TENT4B: variants seen among roughly 807,000 people sequenced by gnomAD.
TENT4B encodes terminal nucleotidyltransferase 4B.
In TENT4B, 10 loss-of-function variants were observed where a neutral mutation model predicts 75.0. The ratio of observed to expected loss-of-function variants is 0.13; its 90% CI spans 0.08 to 0.23. TENT4B has a LOEUF of 0.23. TENT4B is among the 10% of genes least tolerant of loss of function. The pLI is 1.00. For synonymous variants in TENT4B, 350 were observed against 357.7 expected (o/e 0.98, Z 0.24); for missense variants, 579 against 893.8 (o/e 0.65, Z 4.49).
chr16:50,222,229 A>G, intron 5 of TENT4B, 77 bp from the exon 6 acceptor site: 2 of 1,333,302 alleles, frequency 1.5e-6, no homozygotes, highest in South Asian at 2.8e-5. Flanking sequence ...TAATGTAAGG[A>G]CCAATTTATG....
At chr16:50,171,217 A>G (rs1333908436) in intron 1 of TENT4B, among the ~76,000 whole-genome samples, 6 of 151,986 alleles carry the variant, frequency 3.9e-5, no homozygotes, top group Non-Finnish European at 7.4e-5. Context: ...CCTGGAAACC[A>G]TAGCAAAATC....
At chr16:50,158,151 A>G (rs972936220) in intron 1 of TENT4B, among the ~76,000 whole-genome samples, 5 of 151,976 alleles carry the variant, frequency 3.3e-5, no homozygotes, top group African/African-American at 7.2e-5. Context: ...TGGTGGCACA[A>G]TCTTGGCCCA....
Position 50,232,652 on chromosome 16 carries a change from T to C in TENT4B, c.*3324T>C. On this transcript the variant is annotated 3_prime_UTR_variant, in exon 12 of 12. Coordinates refer to ENST00000561678, the MANE Select transcript of TENT4B (RefSeq NM_001365324.3). ...GACCACCGTGACGTGCAGGATTCTC[T>C]TGCTGTGACATGTTCATTGCAAAGC... The C allele has an allele frequency of 1.0e-6, 1 of 985,382 alleles. No homozygotes were observed. Among genetic ancestry groups the C allele is most frequent in the Non-Finnish European group, 1.2e-6 (1 of 829,920 alleles). 61.0% of individuals were successfully genotyped at this position (985,382 alleles called of 1,614,324 possible).
chr16:50,159,399 C>T (rs1355905681), intron 1 of TENT4B, among the ~76,000 whole-genome samples: 1 of 152,022 alleles, frequency 6.6e-6, no homozygotes, highest in Non-Finnish European at 1.5e-5. Flanking sequence ...CATGTGCCAC[C>T]ATGCCTAATT....
At chr16:50,200,069 T>C (rs1444442875) in intron 1 of TENT4B, among the ~76,000 whole-genome samples, 1 of 152,118 alleles carries the variant, frequency 6.6e-6, no homozygotes, top group South Asian at 2.1e-4. Flanking sequence ...ATGTTTAGTT[T>C]GCTAAGGAAC....
chr16:50,222,284 A>G (rs1356550886), intron 5 of TENT4B, 22 bp from the exon 6 acceptor site: 1 of 1,560,220 alleles, frequency 6.4e-7, no homozygotes, highest in East Asian at 2.3e-5. Flanking sequence ...GAATTCATTG[A>G]AAATACAATT....
rs529989482 is a variant in TENT4B, at chr16:50,234,228, A to G, written c.*4900A>G. 55 of 985,606 alleles carry G rather than the reference A, an allele frequency of 5.6e-5. No homozygotes were observed. In the African/African-American group the frequency reaches 8.9e-4, roughly 16 times the overall value. The allele number at this position is 985,606 out of a possible 1,614,324, so 61.1% of individuals were successfully genotyped here. On this transcript the variant is annotated 3_prime_UTR_variant, in exon 12 of 12. Coordinates refer to ENST00000561678, the MANE Select transcript of TENT4B (RefSeq NM_001365324.3). ...CAGCACTTTGGGAGGCCGAAGCGGGAGGATGGCTTGAGGCTGGGAGTTTGA... is the reference window on the plus strand; with the variant it reads ...CAGCACTTTGGGAGGCCGAAGCGGGGGGATGGCTTGAGGCTGGGAGTTTGA...
chr16:50,232,329 G>C lies in TENT4B; in HGVS notation c.*3001G>C, dbSNP rs780226508. 1.8e-5 allele frequency: 18 copies of C among 985,214 alleles called. No individual in the cohort carries two copies. Among genetic ancestry groups the C allele is most frequent in the Non-Finnish European group, 2.2e-5 (18 of 829,904 alleles). 61.0% of individuals were successfully genotyped at this position (985,214 alleles called of 1,614,324 possible). A position where few individuals can be genotyped will look rare whatever the true frequency, so the allele number is the denominator to read the frequency against. On this transcript the variant is annotated 3_prime_UTR_variant, in exon 12 of 12. Transcript: ENST00000561678. ...AATTGCCCTCCAGTCTTCAACAGTT[G>C]ATTCTGTTTTATTTTTATCCTGTTT...
At chr16:50,223,654 T>A (rs1266090325) in intron 7 of TENT4B, among the ~76,000 whole-genome samples, 2 of 152,136 alleles carry the variant, frequency 1.3e-5, no homozygotes, top group Non-Finnish European at 2.9e-5. Context: ...TTTGGATGGG[T>A]TCATGTTTGG....
chr16:50,168,705 G>A (rs1567479602), intron 1 of TENT4B, among the ~76,000 whole-genome samples: 1 of 151,916 alleles, frequency 6.6e-6, no homozygotes, highest in Non-Finnish European at 1.5e-5. Context: ...GAATGCTGTG[G>A]CGTGACCTGT....
chr16:50,218,224 A>G (rs1262781564), intron 5 of TENT4B, among the ~76,000 whole-genome samples: 2 of 152,102 alleles, frequency 1.3e-5, no homozygotes, highest in Non-Finnish European at 2.9e-5. Flanking sequence ...ATGGAATTCT[A>G]CTACACAGTT....
chr16:50,181,248 G>A (rs963272401), intron 1 of TENT4B, among the ~76,000 whole-genome samples: 1 of 152,072 alleles, frequency 6.6e-6, no homozygotes, highest in Non-Finnish European at 1.5e-5. Context: ...GTGTGTTTGT[G>A]GATTTAAATG....
chr16:50,224,242 CT>C (rs2031949241), intron 7 of TENT4B, among the ~76,000 whole-genome samples: 1 of 152,136 alleles, frequency 6.6e-6, no homozygotes, highest in South Asian at 2.1e-4. Flanking sequence ...GACACGAAGA[CT>C]TTTCAGCAAG....
rs1380163270 is a variant in TENT4B at position 50,221,469 on chromosome 16, G to A, written c.1039-837G>A. Among the ~76,000 whole-genome samples the A allele has an allele frequency of 3.3e-5, 5 of 152,142 alleles. No homozygotes were observed. The East Asian group carries it at 9.7e-4, about 29-fold the overall frequency. The stretch of plus-strand genomic sequence containing the variant: ...CGGGTAGCCCTGCCTCATTCCCTGT[G>A]AAGCGTGGAAGGGAGGGGTGGTCTG... On this transcript the variant is annotated intron_variant, in intron 5 of 11. Transcript: ENST00000561678.
At chr16:50,184,450 G>A (rs1363689057) in intron 1 of TENT4B, among the ~76,000 whole-genome samples, 2 of 151,988 alleles carry the variant, frequency 1.3e-5, no homozygotes, top group Non-Finnish European at 2.9e-5. Flanking sequence ...GGGTGGATAC[G>A]AGGGTCAGGA....
chr16:50,167,871 GGT>G (rs2038132042), intron 1 of TENT4B, among the ~76,000 whole-genome samples: 1 of 152,056 alleles, frequency 6.6e-6, no homozygotes, highest in Non-Finnish European at 1.5e-5. Flanking sequence ...TTGTCAGGTT[GGT>G]CTTGAACTCC....
chr16:50,172,364 G>A (rs187052525), intron 1 of TENT4B, among the ~76,000 whole-genome samples: 1 of 151,936 alleles, frequency 6.6e-6, no homozygotes, highest in Non-Finnish European at 1.5e-5. Flanking sequence ...AAAAAAAATT[G>A]TACTTACAGG....
In TENT4B at chr16:50,235,144, G is replaced by A. The variant is rs764567095; in HGVS notation, c.*5816G>A. ...AAACTATGAATGAATTGCACACCTG[G>A]AAGATTTTTTAAGCTAATGACAGTT... On this transcript the variant is annotated 3_prime_UTR_variant, in exon 12 of 12. Transcript: ENST00000561678. The A allele has an allele frequency of 6.4e-5, 39 of 612,356 alleles. No individual in the cohort carries two copies. Among genetic ancestry groups the A allele is most frequent in the Non-Finnish European group, 7.8e-5 (38 of 489,142 alleles). The allele number at this position is 612,356 out of a possible 1,614,324, so 37.9% of individuals were successfully genotyped here.
intron 1 of TENT4B, 23 bp from the exon 2 acceptor site, chr16:50,211,300 A>G (rs376376877): frequency 6.3e-7 from 1 of 1,597,964 alleles, no homozygotes; most frequent in African/African-American, 1.3e-5. Flanking sequence ...TGTTCATATT[A>G]ACTTTTCTGT....
Sources: gnomAD v4.1 joint callset for allele counts (sites outside exome capture counted in the v4.1 genomes callset) on GRCh38, gnomAD v4.1.1 for gene constraint, MANE v1.5 for transcripts, NCBI Gene and HGNC (gene_info 2026-07-23, HGNC 2026-07-21) for gene names.